IRF2: variants seen among roughly 807,000 people sequenced by gnomAD.
IRF2 encodes interferon regulatory factor 2.
A neutral mutation model predicts 40.6 loss-of-function variants in IRF2; 15 were observed. That is an observed-to-expected ratio of 0.37 (90% CI 0.25 to 0.57). The LOEUF (loss-of-function observed/expected upper bound fraction) is 0.57, where lower values mean the gene tolerates loss of function less well. Ranked by LOEUF, IRF2 falls within the 20% of genes least tolerant of loss-of-function variation. The pLI is 0.77. For synonymous variants in IRF2, 151 were observed against 165.5 expected (o/e 0.91, Z 0.67); for missense variants, 317 against 455.7 (o/e 0.70, Z 2.77).
chr4:184,408,172 G>A lies in IRF2; in HGVS notation c.515C>T (p.Thr172Met), dbSNP rs769034903. The A allele has an allele frequency of 8.8e-6, 14 of 1,595,958 alleles. No individual in the cohort carries two copies. Among genetic ancestry groups the A allele is most frequent in the Admixed American group, 1.7e-5 (1 of 59,970 alleles). ...TSTIKNEVDS[T>M]VNIIVVGQSH... The stretch of plus-strand genomic sequence containing the variant: ...AAACAGTTTACCTATGATGTTCACC[G>A]TACTATCCACTTCATTTTTTATAGT... The change falls in exon 6 of 9, where the codon ACG becomes ATG. Residue 172 changes from threonine to methionine, a missense_variant. Physicochemically the swap from Thr to Met is moderately conservative, Grantham distance 81. Around this residue, in one of 2 missense-constraint regions of IRF2, gnomAD observed 262 missense variants for 334.0 expected, o/e 0.78. Coordinates refer to ENST00000393593, the MANE Select transcript of IRF2 (RefSeq NM_002199.4). The surrounding 1 kb of genome is among the most constrained non-coding windows in gnomAD (Gnocchi z 4.9).
At chr4:184,416,148 A>G (rs1031171394) in intron 5 of IRF2, among the ~76,000 whole-genome samples, 4 of 152,006 alleles carry the variant, frequency 2.6e-5, no homozygotes, top group Non-Finnish European at 5.9e-5. Context: ...TCACCTCTAT[A>G]AAAGAAAATT....
intron 1 of IRF2, among the ~76,000 whole-genome samples, chr4:184,430,488 C>T (rs1038484032): frequency 6.6e-6 from 1 of 152,184 alleles, no homozygotes; most frequent in Non-Finnish European, 1.5e-5. Context: ...GCTTCCCAGA[C>T]CACTCCCGCC....
intron 1 of IRF2, among the ~76,000 whole-genome samples, chr4:184,455,301 CTTTTTTTTTT>C (rs1238177005): frequency 3.1e-5 from 1 of 31,928 alleles, no homozygotes; most frequent in Non-Finnish European, 5.3e-5. Flanking sequence ...CCTTCTTCTT[CTTTTTTTTTT>C]TTTTTTTTTT....
At chr4:184,428,782 T>G (rs1425586206) in intron 2 of IRF2, 196 bp downstream of exon 2, 2 of 594,576 alleles carry the variant, frequency 3.4e-6, no homozygotes, top group African/African-American at 1.8e-5. Context: ...GTGGGCCATA[T>G]AGTGAGACCC....
chr4:184,455,695 A>G (rs1331585437), intron 1 of IRF2, among the ~76,000 whole-genome samples: 4 of 152,184 alleles, frequency 2.6e-5, no homozygotes, highest in African/African-American at 9.6e-5. Context: ...GTTGTGATGG[A>G]TAAACTTATG....
At position 184,448,487 on chromosome 4, in the gene IRF2, G is replaced by A. The variant is rs1432076157; in HGVS notation, c.-6-19417C>T. 1.3e-5 allele frequency among the ~76,000 whole-genome samples: 2 copies of A among 152,090 alleles called. No homozygotes were observed. Among genetic ancestry groups the A allele is most frequent in the Non-Finnish European group, 2.9e-5 (2 of 68,004 alleles). On this transcript the variant is annotated intron_variant, in intron 1 of 8. Transcript: ENST00000393593. The surrounding 1 kb of genome is among the most constrained non-coding windows in gnomAD (Gnocchi z 4.3). ...TGTGTAGAAGAGGAGAAATAAGACG[G>A]CCAAAGAGCTCTCGTGCGTATTTGA... is the stretch of plus-strand genomic sequence containing the variant.
intron 6 of IRF2, among the ~76,000 whole-genome samples, chr4:184,406,717 G>A (rs1036811251): frequency 6.6e-6 from 1 of 152,110 alleles, no homozygotes; most frequent in Non-Finnish European, 1.5e-5. Context: ...AGTTCAAATG[G>A]GTGGCCCTCG....
chr4:184,411,821 G>A (rs1247435872), intron 5 of IRF2, among the ~76,000 whole-genome samples: 2 of 151,794 alleles, frequency 1.3e-5, no homozygotes, highest in Admixed American at 6.6e-5. Context: ...CTGGACCCCC[G>A]ATGCCCCACT....
rs1052370704 is a variant in IRF2 at position 184,434,071 on chromosome 4, G to A, written c.-6-5001C>T. On this transcript the variant is annotated intron_variant, in intron 1 of 8. Coordinates refer to ENST00000393593, the MANE Select transcript of IRF2 (RefSeq NM_002199.4). ...GAAAGATGCTTACTCGGTATGTATCGTCTAGCTTCCATTATCGAAAGTCAA... is the reference window on the plus strand; with the variant it reads ...GAAAGATGCTTACTCGGTATGTATCATCTAGCTTCCATTATCGAAAGTCAA... Among the ~76,000 whole-genome samples, 5 of 152,340 alleles carry A rather than the reference G, an allele frequency of 3.3e-5. 1 individual carries two copies. The highest frequency in any genetic ancestry group is 3.9e-4 in the East Asian group (2 of 5,186).
intron 1 of IRF2, among the ~76,000 whole-genome samples, chr4:184,460,271 C>T (rs531635827): frequency 3.9e-5 from 6 of 152,272 alleles, no homozygotes; most frequent in South Asian, 2.1e-4. Context: ...TGAGACATCT[C>T]GAGTGGTCAG....
At chr4:184,452,152 C>G (rs3775579) in intron 1 of IRF2, among the ~76,000 whole-genome samples, 48,498 of 152,080 alleles carry the variant, frequency 0.32, 8,225 homozygotes, top group South Asian at 0.4. Flanking sequence ...CCAAGTCCCC[C>G]CAGCACTGCA....
Position 184,408,330 on chromosome 4 carries a change from C to G in IRF2, c.412-55G>C. 1 of 1,113,062 alleles carries G rather than the reference C, an allele frequency of 9.0e-7. No homozygotes were observed. The highest frequency in any genetic ancestry group is 1.4e-6 in the Non-Finnish European group (1 of 728,644). The allele number at this position is 1,113,062 out of a possible 1,614,324, so 68.9% of individuals were successfully genotyped here. On this transcript the variant is annotated intron_variant, in intron 5 of 8. Coordinates refer to ENST00000393593, the MANE Select transcript of IRF2 (RefSeq NM_002199.4). This position sits in a 1 kb window ranked among gnomAD's most constrained non-coding sequence, Gnocchi z 4.9. Reference sequence around the variant, plus strand: ...GAACACTTCCTTTCCCCTCCCTTCTCTTAGCTGAAATTCTACCCTCTGCCT... The same window carrying G: ...GAACACTTCCTTTCCCCTCCCTTCTGTTAGCTGAAATTCTACCCTCTGCCT...
rs1410809105 is a variant in IRF2, at chr4:184,388,370, CG to C, written c.*387del. ...AAGGTGCAGAAGCAGACTGCAATGT[CG>C]CTAGTGCTGCCTATGTACATATTCA... On this transcript the variant is annotated 3_prime_UTR_variant, in exon 9 of 9. Coordinates refer to ENST00000393593, the MANE Select transcript of IRF2 (RefSeq NM_002199.4). The surrounding 1 kb of genome is among the most constrained non-coding windows in gnomAD (Gnocchi z 4.6). 2.0e-5 allele frequency: 4 copies of C among 198,746 alleles called. No individual in the cohort carries two copies. The highest frequency in any genetic ancestry group is 4.0e-5 in the Non-Finnish European group (4 of 98,922). 12.3% of individuals were successfully genotyped at this position (198,746 alleles called of 1,614,324 possible). A position where few individuals can be genotyped will look rare whatever the true frequency, so the allele number is the denominator to read the frequency against.
chr4:184,462,821 T>C (rs1327186894), intron 1 of IRF2, among the ~76,000 whole-genome samples: 1 of 152,230 alleles, frequency 6.6e-6, no homozygotes. Flanking sequence ...TCATATACCA[T>C]TAGGTTTCTA....
intron 5 of IRF2, among the ~76,000 whole-genome samples, chr4:184,414,043 C>T (rs1737175343): frequency 6.6e-6 from 1 of 152,242 alleles, no homozygotes; most frequent in Non-Finnish European, 1.5e-5. Context: ...ATTCAAATCT[C>T]AGCTCTGTAA....
At chr4:184,446,803 A>C (rs1174126927) in intron 1 of IRF2, among the ~76,000 whole-genome samples, 1 of 152,060 alleles carries the variant, frequency 6.6e-6, no homozygotes, top group Non-Finnish European at 1.5e-5. Flanking sequence ...AATAAAAAAA[A>C]AATTAGCCAG....
chr4:184,393,632 T>C (rs1415468052), intron 7 of IRF2, among the ~76,000 whole-genome samples: 10 of 152,184 alleles, frequency 6.6e-5, no homozygotes, highest in Admixed American at 6.5e-4. Context: ...TAAGAAAAGA[T>C]ACACATGCTC....
chr4:184,423,204 C>T (rs568166345), intron 2 of IRF2, among the ~76,000 whole-genome samples: 1 of 152,278 alleles, frequency 6.6e-6, no homozygotes, highest in Non-Finnish European at 1.5e-5. Context: ...TGCCAGGTGT[C>T]TCATCCCCGA....
At chr4:184,411,905 C>G (rs1015122724) in intron 5 of IRF2, among the ~76,000 whole-genome samples, 1 of 151,590 alleles carries the variant, frequency 6.6e-6, no homozygotes, top group Admixed American at 6.6e-5. Flanking sequence ...TTCACATCCC[C>G]TCTGTCTGCT....
Sources: allele counts gnomAD v4.1 joint callset (sites outside exome capture counted in the v4.1 genomes callset), GRCh38; gene constraint gnomAD v4.1.1; regional missense constraint gnomAD v4.1.1; non-coding constraint Gnocchi (gnomAD v3.1); transcripts MANE v1.5; gene names NCBI Gene and HGNC (gene_info 2026-07-23, HGNC 2026-07-21).